The following GRXCR2 variants were observed in gnomAD, a reference collection of about 807,000 sequenced individuals.
The protein encoded by GRXCR2 is glutaredoxin and cysteine rich domain containing 2, also known as glutaredoxin domain-containing cysteine-rich protein 2.
GRXCR2 carries 23 observed loss-of-function variants against 24.8 expected under a neutral mutation model. That is an observed-to-expected ratio of 0.93 (90% CI 0.67 to 1.32). GRXCR2 has a LOEUF of 1.32. GRXCR2 is among the 40% of genes most tolerant of loss of function. GRXCR2 has a pLI of 0.00. For synonymous variants in GRXCR2, 130 were observed against 116.1 expected, an observed-to-expected ratio of 1.12 and a Z score of -0.77; for missense variants, 315 against 303.4, an observed-to-expected ratio of 1.04 and a Z score of -0.28.
intron 2 of GRXCR2, among the ~76,000 whole-genome samples, chr5:145,891,822 G>A (rs1398811312): frequency 2.0e-5 from 3 of 152,172 alleles, no homozygotes; most frequent in Admixed American, 6.6e-5. Context: ...TCTGAAAAAG[G>A]ACAGACTGCC....
intron 2 of GRXCR2, among the ~76,000 whole-genome samples, chr5:145,909,665 C>T (rs1053932277): frequency 6.6e-6 from 1 of 152,156 alleles, no homozygotes; most frequent in African/African-American, 2.4e-5. Context: ...TCATCAATGC[C>T]TAGAATAGTG....
chr5:145,891,514 G>A lies in GRXCR2; in HGVS notation c.-69-24786C>T, dbSNP rs545596814. Among the ~76,000 whole-genome samples, 56 of 152,320 alleles carry A rather than the reference G, an allele frequency of 3.7e-4. No individual in the cohort carries two copies. The South Asian group carries it at 7.4e-3, about 20-fold the overall frequency. On this transcript the variant is annotated intron_variant, in intron 2 of 3. Transcript: ENST00000639411. Reference sequence around the variant, plus strand: ...CTGTGCCTGGCTCGGAGGGTCCTACGCCCACGGAGCCTTGCTCACTGCTAG... The same window carrying A: ...CTGTGCCTGGCTCGGAGGGTCCTACACCCACGGAGCCTTGCTCACTGCTAG...
At chr5:145,887,715 G>A (rs2149917547) in intron 2 of GRXCR2, among the ~76,000 whole-genome samples, 1 of 152,218 alleles carries the variant, frequency 6.6e-6, no homozygotes, top group African/African-American at 2.4e-5. Context: ...ACATTTGGGG[G>A]AACTGAAAAT....
chr5:145,923,519 C>T (rs920211322), intron 2 of GRXCR2, among the ~76,000 whole-genome samples: 1 of 152,206 alleles, frequency 6.6e-6, no homozygotes, highest in Non-Finnish European at 1.5e-5. Context: ...AAAAAGTACT[C>T]TGACTCCCAG....
chr5:145,922,873 C>T (rs548706232), intron 2 of GRXCR2, among the ~76,000 whole-genome samples: 10 of 152,332 alleles, frequency 6.6e-5, no homozygotes, highest in East Asian at 3.9e-4. Flanking sequence ...ACTTTAGTTA[C>T]GACCTTCCTA....
chr5:145,927,022 C>T (rs1227079937), intron 2 of GRXCR2, among the ~76,000 whole-genome samples: 2 of 152,066 alleles, frequency 1.3e-5, no homozygotes, highest in Non-Finnish European at 2.9e-5. Flanking sequence ...TGATTTAGCT[C>T]TCTGTTTGTC....
At chr5:145,898,343 C>G (rs1756977814) in intron 2 of GRXCR2, among the ~76,000 whole-genome samples, 1 of 151,106 alleles carries the variant, frequency 6.6e-6, no homozygotes, top group Non-Finnish European at 1.5e-5. Flanking sequence ...GATTCACAGC[C>G]AAATCTACCA....
intron 2 of GRXCR2, among the ~76,000 whole-genome samples, chr5:145,878,347 C>T (rs1756649470): frequency 6.6e-6 from 1 of 151,960 alleles, no homozygotes; most frequent in Admixed American, 6.6e-5. Flanking sequence ...TAGAGAAGAC[C>T]TTAAATGACC....
intron 2 of GRXCR2, among the ~76,000 whole-genome samples, chr5:145,884,590 A>G (rs1756752134): frequency 2.0e-5 from 3 of 152,082 alleles, no homozygotes; most frequent in Admixed American, 2.0e-4. Flanking sequence ...ATATGCCTAT[A>G]TAATAAGGTA....
chr5:145,920,337 G>A (rs537142725), intron 2 of GRXCR2, among the ~76,000 whole-genome samples: 15 of 152,274 alleles, frequency 9.9e-5, no homozygotes, highest in African/African-American at 2.9e-4. Flanking sequence ...ACTAGAAACC[G>A]TGGGGATGGG....
intron 1 of GRXCR2, 150 bp downstream of exon 1, chr5:145,872,483 G>A (rs184652800): frequency 2.8e-4 from 161 of 570,364 alleles, no homozygotes; most frequent in African/African-American, 2.0e-3. Flanking sequence ...AGAAATATTC[G>A]TCTAATAACA....
chr5:145,876,703 G>A (rs1414841689), upstream of GRXCR2, among the ~76,000 whole-genome samples: 2 of 152,062 alleles, frequency 1.3e-5, no homozygotes, highest in Non-Finnish European at 2.9e-5. Flanking sequence ...CATTTCCCAT[G>A]TTCACAGACA....
chr5:145,885,535 C>G (rs1391880491), intron 2 of GRXCR2, among the ~76,000 whole-genome samples: 1 of 152,138 alleles, frequency 6.6e-6, no homozygotes, highest in Non-Finnish European at 1.5e-5. Context: ...GATATTTTCT[C>G]AAAGTACAAC....
At chr5:145,887,271 AT>A (rs886944892) in intron 2 of GRXCR2, among the ~76,000 whole-genome samples, 1 of 152,054 alleles carries the variant, frequency 6.6e-6, no homozygotes, top group Non-Finnish European at 1.5e-5. Context: ...TATTTTTAAA[AT>A]TTTTTTATAG....
At chr5:145,878,029 C>T (rs1460118705) in intron 2 of GRXCR2, among the ~76,000 whole-genome samples, 1 of 152,216 alleles carries the variant, frequency 6.6e-6, no homozygotes, top group Non-Finnish European at 1.5e-5. Flanking sequence ...TACACCAAAA[C>T]CCCATCTGTA....
intron 2 of GRXCR2, among the ~76,000 whole-genome samples, chr5:145,900,250 T>G (rs953036118): frequency 6.6e-6 from 1 of 151,984 alleles, no homozygotes; most frequent in Non-Finnish European, 1.5e-5. Context: ...GAGATCTGGT[T>G]GATTAAAAGT....
At chr5:145,923,774 A>G (rs1481492878) in intron 2 of GRXCR2, among the ~76,000 whole-genome samples, 2 of 152,144 alleles carry the variant, frequency 1.3e-5, no homozygotes, top group African/African-American at 4.8e-5. Context: ...CATTATATCC[A>G]TATCGATATA....
At chr5:145,878,312 G>A (rs1048859558) in intron 2 of GRXCR2, among the ~76,000 whole-genome samples, 5 of 152,098 alleles carry the variant, frequency 3.3e-5, no homozygotes, top group African/African-American at 9.7e-5. Context: ...AAGGTTAGAC[G>A]AATGGTTAAC....
At chr5:145,879,083 A>T (rs1756660640) in intron 2 of GRXCR2, among the ~76,000 whole-genome samples, 1 of 152,232 alleles carries the variant, frequency 6.6e-6, no homozygotes, top group African/African-American at 2.4e-5. Flanking sequence ...CAGCCCCTGC[A>T]AAAACATGCC....
Sources: allele counts gnomAD v4.1 joint callset (sites outside exome capture counted in the v4.1 genomes callset), GRCh38; gene constraint gnomAD v4.1.1; transcripts MANE v1.5; gene names NCBI Gene and HGNC (gene_info 2026-07-23, HGNC 2026-07-21).